ABAT: variants seen among roughly 807,000 people sequenced by gnomAD.
The protein encoded by ABAT is 4-aminobutyrate aminotransferase, mitochondrial.
In ABAT, 45 loss-of-function variants were observed where a neutral mutation model predicts 64.6. That is an observed-to-expected ratio of 0.70 (90% confidence interval 0.55 to 0.89). The LOEUF (loss-of-function observed/expected upper bound fraction) is 0.89, where lower values mean the gene tolerates loss of function less well. Ranked by LOEUF, ABAT falls within the 40% of genes least tolerant of loss-of-function variation. The pLI is 0.00. For synonymous variants in ABAT, 297 were observed against 250.5 expected, an observed-to-expected ratio of 1.19 and a Z score of -1.75; for missense variants, 633 against 658.4, an observed-to-expected ratio of 0.96 and a Z score of 0.42.
At chr16:8,743,684 G>T (rs2059246704) in intron 2 of ABAT, among the ~76,000 whole-genome samples, 1 of 144,388 alleles carries the variant, frequency 6.9e-6, no homozygotes, top group Admixed American at 7.1e-5. Context: ...ATATATTTTA[G>T]TTATAATATA....
intron 4 of ABAT, among the ~76,000 whole-genome samples, chr16:8,749,882 T>A (rs1265255355): frequency 6.6e-6 from 1 of 151,842 alleles, no homozygotes; most frequent in Non-Finnish European, 1.5e-5. Flanking sequence ...CCTGGCTAAT[T>A]TTTGTATTTT....
chr16:8,769,535 G>A (rs1181933914), intron 11 of ABAT, among the ~76,000 whole-genome samples: 1 of 146,552 alleles, frequency 6.8e-6, no homozygotes, highest in East Asian at 2.0e-4. Flanking sequence ...CTCCAGCCTG[G>A]GTAACGGAGT....
chr16:8,732,456 A>G (rs2058756350), intron 1 of ABAT, among the ~76,000 whole-genome samples: 1 of 150,766 alleles, frequency 6.6e-6, no homozygotes, highest in African/African-American at 2.5e-5. Flanking sequence ...GCATCTGTTT[A>G]ACAAAGCACA....
intron 1 of ABAT, among the ~76,000 whole-genome samples, chr16:8,692,785 C>T (rs114016279): frequency 0.024 from 3,648 of 152,304 alleles, 145 homozygotes; most frequent in African/African-American, 0.083. Flanking sequence ...ACCTGGCTGA[C>T]TGAAAGAACA....
intron 1 of ABAT, among the ~76,000 whole-genome samples, chr16:8,718,905 C>G (rs951775216): frequency 6.6e-6 from 1 of 152,234 alleles, no homozygotes; most frequent in African/African-American, 2.4e-5. Flanking sequence ...CAGCGTGACT[C>G]CAGCCACCAA....
Position 8,737,931 on chromosome 16 carries a change from A to AG in ABAT, c.70+2122_70+2123insG, listed in dbSNP as rs1243460080. 7.0e-4 allele frequency among the ~76,000 whole-genome samples: 75 copies of AG among 107,528 alleles called. 3 individuals are homozygous for AG. Among genetic ancestry groups the AG allele is most frequent in the African/African-American group, 2.5e-3 (70 of 27,678 alleles). The allele number at this position is 107,528 out of a possible 152,430, so 70.5% of individuals were successfully genotyped here. ...CAACAGACTGAGATTAAAAAAAAAA[A>AG]AAAGAAAGGAAAGGAAGAAAGGAAG... On this transcript the variant is annotated intron_variant, in intron 2 of 15. Transcript: ENST00000268251.
chr16:8,704,079 C>T (rs933459201), intron 1 of ABAT, among the ~76,000 whole-genome samples: 5 of 152,176 alleles, frequency 3.3e-5, no homozygotes, highest in Non-Finnish European at 5.9e-5. Context: ...TGGGATGAGT[C>T]GAGAAGTTTC....
At chr16:8,707,568 T>C (rs753314723) in intron 1 of ABAT, among the ~76,000 whole-genome samples, 5 of 151,944 alleles carry the variant, frequency 3.3e-5, no homozygotes, top group Non-Finnish European at 5.9e-5. Flanking sequence ...CTGATGACCA[T>C]GTAATTGTGG....
intron 12 of ABAT, among the ~76,000 whole-genome samples, chr16:8,773,205 G>A (rs1019505817): frequency 1.3e-5 from 2 of 151,180 alleles, no homozygotes; most frequent in Non-Finnish European, 2.9e-5. Flanking sequence ...AGGCTGGAGT[G>A]CAGTGGTGCA....
At chr16:8,706,800 C>G (rs1335106235) in intron 1 of ABAT, among the ~76,000 whole-genome samples, 4 of 152,208 alleles carry the variant, frequency 2.6e-5, no homozygotes, top group Non-Finnish European at 4.4e-5. Flanking sequence ...GAAATTACAG[C>G]AAGACAATTG....
intron 14 of ABAT, among the ~76,000 whole-genome samples, chr16:8,778,787 A>T (rs1040322134): frequency 6.6e-6 from 1 of 151,774 alleles, no homozygotes; most frequent in Admixed American, 6.6e-5. Flanking sequence ...AAAAAAAAAA[A>T]ACAAAAAACA....
chr16:8,714,003 C>A, intron 1 of ABAT: 1 of 434,944 alleles, frequency 2.3e-6, no homozygotes, highest in South Asian at 1.6e-5. Flanking sequence ...GGGGCACACA[C>A]CCTTGTGCAT....
chr16:8,735,609 C>G, intron 1 of ABAT, 90 bp from the exon 2 acceptor site: 1 of 1,053,032 alleles, frequency 9.5e-7, no homozygotes, highest in Middle Eastern at 2.0e-4. Context: ...AGAACTTTCT[C>G]TATTAGGTGG....
intron 1 of ABAT, among the ~76,000 whole-genome samples, chr16:8,685,618 G>A (rs1376037141): frequency 6.6e-6 from 1 of 152,172 alleles, no homozygotes; most frequent in Non-Finnish European, 1.5e-5. Flanking sequence ...GGAGGTTGCA[G>A]TGAGCCAAGA....
intron 5 of ABAT, 150 bp downstream of exon 5, chr16:8,750,689 G>A (rs1344986872): frequency 1.3e-6 from 1 of 767,970 alleles, no homozygotes; most frequent in Non-Finnish European, 2.3e-6. Flanking sequence ...AATAAATAAT[G>A]TGTAAAGGGT....
chr16:8,706,953 G>A (rs1027550898), intron 1 of ABAT, among the ~76,000 whole-genome samples: 2 of 152,152 alleles, frequency 1.3e-5, no homozygotes, highest in Non-Finnish European at 2.9e-5. Context: ...AGGCCCTGAG[G>A]CTACAGAGCT....
intron 5 of ABAT, among the ~76,000 whole-genome samples, chr16:8,756,497 C>T (rs1177783510): frequency 6.6e-6 from 1 of 151,898 alleles, no homozygotes; most frequent in Non-Finnish European, 1.5e-5. Flanking sequence ...TTTACTGCAC[C>T]TATTGTCTCG....
At chr16:8,710,711 A>AGG (rs2058048664) in intron 1 of ABAT, among the ~76,000 whole-genome samples, 1 of 133,144 alleles carries the variant, frequency 7.5e-6, no homozygotes, top group Non-Finnish European at 1.7e-5. Flanking sequence ...AGAGAGAGAG[A>AGG]GAGAGAGAGA....
intron 1 of ABAT, among the ~76,000 whole-genome samples, chr16:8,731,255 G>T (rs2058711107): frequency 6.6e-6 from 1 of 152,134 alleles, no homozygotes; most frequent in Admixed American, 6.6e-5. Context: ...GAGCCACCCT[G>T]CCAGCCCAAA....
Sources: gnomAD v4.1 joint callset for allele counts (sites outside exome capture counted in the v4.1 genomes callset) on GRCh38, gnomAD v4.1.1 for gene constraint, MANE v1.5 for transcripts, NCBI Gene and HGNC (gene_info 2026-07-23, HGNC 2026-07-21) for gene names.